CTNNA2: variants seen among roughly 807,000 people sequenced by gnomAD.
CTNNA2 encodes catenin alpha 2.
A neutral mutation model predicts 101.0 loss-of-function variants in CTNNA2; 42 were observed. That is an observed-to-expected ratio of 0.42 (90% confidence interval 0.32 to 0.54). The LOEUF (loss-of-function observed/expected upper bound fraction) is 0.54. Ranked by LOEUF, CTNNA2 falls within the 20% of genes least tolerant of loss-of-function variation. The pLI is 0.14. For synonymous variants in CTNNA2, 450 were observed against 456.4 expected (o/e 0.99, Z 0.18); for missense variants, 871 against 1,223.1 (o/e 0.71, Z 4.29).
intron 8 of CTNNA2, among the ~76,000 whole-genome samples, chr2:80,394,363 C>T (rs1677805422): frequency 6.6e-6 from 1 of 152,212 alleles, no homozygotes; most frequent in South Asian, 2.1e-4. Context: ...AAGGTGTAGA[C>T]ACACTTGATC....
At chr2:79,435,872 A>G (rs1368596200) in intron 4 of CTNNA2, among the ~76,000 whole-genome samples, 2 of 152,188 alleles carry the variant, frequency 1.3e-5, no homozygotes, top group Admixed American at 1.3e-4. Flanking sequence ...TGCTCATTTC[A>G]TGATTAATGT....
intron 3 of CTNNA2, among the ~76,000 whole-genome samples, chr2:79,787,735 AT>A: frequency 6.6e-6 from 1 of 151,962 alleles, no homozygotes; most frequent in Non-Finnish European, 1.5e-5. Flanking sequence ...TTGCAATAGC[AT>A]CACTCCTACC....
At chr2:79,933,243 G>A (rs1687566381) in intron 7 of CTNNA2, among the ~76,000 whole-genome samples, 1 of 152,042 alleles carries the variant, frequency 6.6e-6, no homozygotes, top group South Asian at 2.1e-4. Context: ...TATAAAAAAG[G>A]GGCGGGCAGA....
At chr2:79,231,491 C>T (rs545256489) in intron 2 of CTNNA2, among the ~76,000 whole-genome samples, 1 of 152,256 alleles carries the variant, frequency 6.6e-6, no homozygotes, top group African/African-American at 2.4e-5. Flanking sequence ...ATTGCCCAGT[C>T]TTGGGTATGT....
intron 3 of CTNNA2, among the ~76,000 whole-genome samples, chr2:79,322,993 A>G (rs924208514): frequency 2.0e-5 from 3 of 152,310 alleles, no homozygotes; most frequent in South Asian, 2.1e-4. Flanking sequence ...CTCTCTTAAC[A>G]TCTTTCATCA....
intron 2 of CTNNA2, among the ~76,000 whole-genome samples, chr2:79,684,387 T>C (rs1380287100): frequency 2.6e-5 from 4 of 152,176 alleles, no homozygotes. Context: ...AACCCACTAA[T>C]AGATCATGAC....
intron 7 of CTNNA2, among the ~76,000 whole-genome samples, chr2:80,118,859 T>C (rs778990512): frequency 6.6e-6 from 1 of 152,208 alleles, no homozygotes; most frequent in Non-Finnish European, 1.5e-5. Flanking sequence ...CTGATGTGAG[T>C]GCACTGGGAA....
chr2:80,397,571 C>A (rs1439897984), intron 8 of CTNNA2, among the ~76,000 whole-genome samples: 1 of 152,112 alleles, frequency 6.6e-6, no homozygotes, highest in East Asian at 1.9e-4. Flanking sequence ...AAGGGGAATT[C>A]CCCTGCACAC....
chr2:79,487,215 A>G (rs1209917358), intron 4 of CTNNA2, among the ~76,000 whole-genome samples: 1 of 151,228 alleles, frequency 6.6e-6, no homozygotes, highest in African/African-American at 2.4e-5. Flanking sequence ...CAATAGACAT[A>G]GCAAGTCTAA....
intron 2 of CTNNA2, among the ~76,000 whole-genome samples, chr2:79,707,680 A>AAG (rs1432364423): frequency 6.6e-6 from 1 of 152,166 alleles, no homozygotes; most frequent in African/African-American, 2.4e-5. Flanking sequence ...CACTCTCGTT[A>AAG]AGAAGCCCAT....
At chr2:79,880,395 C>T (rs1683338571) in intron 6 of CTNNA2, among the ~76,000 whole-genome samples, 1 of 152,084 alleles carries the variant, frequency 6.6e-6, no homozygotes, top group South Asian at 2.1e-4. Flanking sequence ...AGGAAGGGTA[C>T]CATCTTCTCT....
chr2:79,879,036 T>C (rs183807835), intron 6 of CTNNA2, among the ~76,000 whole-genome samples: 157 of 152,330 alleles, frequency 1.0e-3, no homozygotes, highest in African/African-American at 3.6e-3. Flanking sequence ...GTTTTCTGCC[T>C]ATGACTAGCC....
At chr2:80,061,397 A>AT (rs983183530) in intron 7 of CTNNA2, among the ~76,000 whole-genome samples, 2 of 152,208 alleles carry the variant, frequency 1.3e-5, no homozygotes, top group Non-Finnish European at 2.9e-5. Context: ...TCTCTTTAGA[A>AT]TTTTGTTTCC....
At chr2:79,473,034 TTCTG>T (rs998058123) in intron 4 of CTNNA2, among the ~76,000 whole-genome samples, 7 of 152,324 alleles carry the variant, frequency 4.6e-5, no homozygotes, top group South Asian at 4.1e-4. Context: ...TGTCACTTGA[TTCTG>T]TCTGAGACCT....
At chr2:79,514,065 C>T (rs1671677352) in intron 1 of CTNNA2, among the ~76,000 whole-genome samples, 1 of 152,174 alleles carries the variant, frequency 6.6e-6, no homozygotes, top group African/African-American at 2.4e-5. Context: ...GTCCTTGGTC[C>T]TGTCACTACC....
chr2:79,356,102 A>G (rs948739786), intron 3 of CTNNA2, among the ~76,000 whole-genome samples: 10 of 151,488 alleles, frequency 6.6e-5, no homozygotes, highest in African/African-American at 2.4e-4. Flanking sequence ...ATACCTATAT[A>G]ATTATAAAGA....
intron 2 of CTNNA2, among the ~76,000 whole-genome samples, chr2:79,202,697 AT>A (rs1330555708): frequency 6.6e-6 from 1 of 151,874 alleles, no homozygotes; most frequent in Non-Finnish European, 1.5e-5. Context: ...GTTTCCATAC[AT>A]TTTGGGGGTG....
chr2:80,568,007 G>A (rs1400029648), intron 12 of CTNNA2, among the ~76,000 whole-genome samples: 2 of 152,120 alleles, frequency 1.3e-5, no homozygotes, highest in African/African-American at 2.4e-5. Context: ...TGTGTTGGAT[G>A]ACTGCATCAC....
intron 2 of CTNNA2, among the ~76,000 whole-genome samples, chr2:79,206,859 C>T (rs954064032): frequency 1.3e-5 from 2 of 152,094 alleles, no homozygotes; most frequent in Non-Finnish European, 2.9e-5. Flanking sequence ...AAAGATAGAT[C>T]CCTGATCAAA....
Sources: gnomAD v4.1 joint callset for allele counts (sites outside exome capture counted in the v4.1 genomes callset) on GRCh38, gnomAD v4.1.1 for gene constraint, MANE v1.5 for transcripts, NCBI Gene and HGNC (gene_info 2026-07-23, HGNC 2026-07-21) for gene names.